Variants in CAAP1 observed in about 807,000 individuals in gnomAD.
CAAP1 encodes conserved anti-apoptotic protein.
CAAP1 carries 20 observed loss-of-function variants against 34.0 expected under a neutral mutation model. That is an observed-to-expected ratio of 0.59 (90% CI 0.41 to 0.86). The LOEUF is 0.86. Ranked by LOEUF, CAAP1 falls within the 40% of genes least tolerant of loss-of-function variation. The probability of loss-of-function intolerance (pLI) is 0.00; values close to 1 mark genes in which losing one functional copy is unlikely to be tolerated. For synonymous variants in CAAP1, 213 were observed against 166.7 expected (o/e 1.28, Z -2.14); for missense variants, 538 against 450.5 (o/e 1.19, Z -1.76).
intron 4 of CAAP1, among the ~76,000 whole-genome samples, chr9:26,872,991 T>C (rs1823319474): frequency 1.3e-5 from 2 of 152,300 alleles, no homozygotes; most frequent in Admixed American, 6.5e-5. Flanking sequence ...TTGGGTGCAG[T>C]GGCTCATGCC....
chr9:26,865,197 A>G lies in CAAP1; in HGVS notation c.666-4058T>C, dbSNP rs536468454. Among the ~76,000 whole-genome samples, 17 of 152,332 alleles carry G rather than the reference A, an allele frequency of 1.1e-4. No homozygotes were observed. In the South Asian group the frequency reaches 1.9e-3, roughly 17 times the overall value. ...AAATGAAAAAAATAGACACATACCA[A>G]TGAATTTTTTAAGCAAAAGTAAAGA... On this transcript the variant is annotated intron_variant, in intron 4 of 5. Transcript: ENST00000333916.
At chr9:26,867,127 C>G (rs187266397) in intron 4 of CAAP1, among the ~76,000 whole-genome samples, 132 of 152,294 alleles carry the variant, frequency 8.7e-4, no homozygotes, top group Non-Finnish European at 1.6e-3. Flanking sequence ...TGAGGTGGAA[C>G]AGTTTCAGCC....
At chr9:26,864,383 G>T (rs1008707812) in intron 4 of CAAP1, among the ~76,000 whole-genome samples, 2 of 152,050 alleles carry the variant, frequency 1.3e-5, no homozygotes, top group Non-Finnish European at 2.9e-5. Flanking sequence ...TAAATTTCTT[G>T]TCCAAATGTA....
intron 1 of CAAP1, among the ~76,000 whole-genome samples, chr9:26,889,375 G>A (rs1348815423): frequency 6.6e-6 from 1 of 151,952 alleles, no homozygotes; most frequent in East Asian, 1.9e-4. Flanking sequence ...CCGAGATGGC[G>A]CCATTGCACT....
At position 26,887,571 on chromosome 9, in the gene CAAP1, G is replaced by A. The variant is rs191684222; in HGVS notation, c.304-58C>T. The A allele has an allele frequency of 2.3e-5, 22 of 973,550 alleles. No homozygotes were observed. The East Asian group carries it at 2.9e-4, about 13-fold the overall frequency. The allele number at this position is 973,550 out of a possible 1,614,324, so 60.3% of individuals were successfully genotyped here. ...ATACTACTTAAAATATAAAGAATAC[G>A]TACATGACATCATACGTTTTCATTT... On this transcript the variant is annotated intron_variant, in intron 1 of 5. Transcript: ENST00000333916.
At chr9:26,884,416 A>G (rs2131339070) in intron 4 of CAAP1, among the ~76,000 whole-genome samples, 1 of 152,310 alleles carries the variant, frequency 6.6e-6, no homozygotes, top group African/African-American at 2.4e-5. Context: ...ATTGCCTAAT[A>G]TTAATAAATA....
chr9:26,862,452 C>T (rs1429819532), intron 4 of CAAP1, among the ~76,000 whole-genome samples: 1 of 151,466 alleles, frequency 6.6e-6, no homozygotes, highest in African/African-American at 2.4e-5. Flanking sequence ...TGTAACATCA[C>T]CAATAAGAGG....
In CAAP1 at chr9:26,892,599, G is replaced by T; in HGVS notation, c.117C>A (p.Ser39Arg). The stretch of plus-strand genomic sequence containing the variant: ...CCCCGGCGCTCCCGCAGCCGCTAGT[G>T]CTTCCACTGCTGCCGCTGGCCAACG... ...VPALASGSSG[S>R]TSGCGSAGGC... The change falls in exon 1 of 6, where the codon AGC becomes AGA. Residue 39 changes from serine to arginine, a missense_variant. Physicochemically the swap from Ser to Arg is moderately radical, Grantham distance 110. This residue lies in a region of CAAP1 where 514 missense variants were observed against 408.4 expected (regional missense o/e 1.26). Coordinates refer to ENST00000333916, the MANE Select transcript of CAAP1 (RefSeq NM_024828.4). 1 of 1,607,928 alleles carries T rather than the reference G, an allele frequency of 6.2e-7. No homozygotes were observed.
chr9:26,890,656 T>C (rs549060582), intron 1 of CAAP1, among the ~76,000 whole-genome samples: 12 of 151,396 alleles, frequency 7.9e-5, no homozygotes, highest in Non-Finnish European at 1.5e-4. Context: ...AACATATACA[T>C]AAAAGTTGGC....
rs937297482 is a variant in CAAP1, at chr9:26,892,462, C to T, written c.254G>A (p.Arg85Gln). 6.4e-7 allele frequency: 1 copy of T among 1,573,810 alleles called. No individual in the cohort carries two copies. The highest frequency in any genetic ancestry group is 8.6e-7 in the Non-Finnish European group (1 of 1,160,910). The part of the protein sequence containing the change: ...GGSSVERSER[R>Q]KRRSTDSSSV... ...GGAAGAGTCGGTACTCCTCCGCTTC[C>T]GGCGCTCGCTGCGCTCCACGCTGCT... The change falls in exon 1 of 6, where the codon CGG (arginine) becomes CAG (glutamine). Residue 85 changes from arginine to glutamine, a missense_variant. Transcript: ENST00000333916.
At chr9:26,854,805 T>A (rs968511584) in intron 5 of CAAP1, among the ~76,000 whole-genome samples, 2 of 152,164 alleles carry the variant, frequency 1.3e-5, no homozygotes, top group African/African-American at 4.8e-5. Context: ...ATGTTCAACA[T>A]CACATATCAT....
chr9:26,860,048 T>C (rs917651718), intron 5 of CAAP1, among the ~76,000 whole-genome samples: 2 of 152,172 alleles, frequency 1.3e-5, no homozygotes, highest in Admixed American at 1.3e-4. Flanking sequence ...ATATGACTCA[T>C]ATTTAAGAGA....
intron 5 of CAAP1, among the ~76,000 whole-genome samples, chr9:26,854,476 G>A (rs1563880508): frequency 6.7e-6 from 1 of 148,688 alleles, no homozygotes; most frequent in Non-Finnish European, 1.5e-5. Flanking sequence ...TAGGATGCTG[G>A]GTTCAGCTGA....
At chr9:26,877,197 G>C (rs1823457900) in intron 4 of CAAP1, among the ~76,000 whole-genome samples, 1 of 152,090 alleles carries the variant, frequency 6.6e-6, no homozygotes, top group African/African-American at 2.4e-5. Context: ...CGGACTACAT[G>C]TATCAAGATG....
At chr9:26,887,212 A>G (rs1823768136) in intron 2 of CAAP1, 101 bp downstream of exon 2, 1 of 768,522 alleles carries the variant, frequency 1.3e-6, no homozygotes, top group Non-Finnish European at 2.0e-6. Flanking sequence ...ACTCCGTCTC[A>G]AAAAAACAAA....
chr9:26,890,736 G>C (rs189998055), intron 1 of CAAP1, among the ~76,000 whole-genome samples: 170 of 152,208 alleles, frequency 1.1e-3, no homozygotes, highest in African/African-American at 3.9e-3. Context: ...ACGAGGTCAG[G>C]AGATCAAGAC....
chr9:26,857,554 C>T (rs1278732165), intron 5 of CAAP1, among the ~76,000 whole-genome samples: 1 of 152,106 alleles, frequency 6.6e-6, no homozygotes, highest in Non-Finnish European at 1.5e-5. Flanking sequence ...ATTGCTTTAA[C>T]CCAAGAGATG....
chr9:26,870,039 CTTTT>C (rs555433697), intron 4 of CAAP1: 686 of 276,920 alleles, frequency 2.5e-3, no homozygotes, highest in Non-Finnish European at 3.0e-3. Flanking sequence ...GAAAGAATAA[CTTTT>C]TTTTTTTTTT....
chr9:26,842,769 C>T, intron 5 of CAAP1, 122 bp from the exon 6 acceptor site: 1 of 684,614 alleles, frequency 1.5e-6, no homozygotes, highest in Admixed American at 3.2e-5. Context: ...CAAACACATT[C>T]CATAATCCCC....
Sources: gnomAD v4.1 joint callset for allele counts (sites outside exome capture counted in the v4.1 genomes callset) on GRCh38, gnomAD v4.1.1 for gene constraint, gnomAD v4.1.1 regional missense constraint, MANE v1.5 for transcripts, NCBI Gene and HGNC (gene_info 2026-07-23, HGNC 2026-07-21) for gene names.